Variants in CSMD1 observed in about 807,000 individuals in gnomAD.
CSMD1 encodes CUB and Sushi multiple domains 1, also known as CUB and sushi domain-containing protein 1.
A neutral mutation model predicts 417.5 loss-of-function variants in CSMD1; 213 were observed. The observed-to-expected ratio is 0.51, with a 90% CI of 0.46 to 0.57. The LOEUF (loss-of-function observed/expected upper bound fraction) is 0.57, where lower values mean the gene tolerates loss of function less well. CSMD1 is among the 20% of genes least tolerant of loss of function. CSMD1 has a pLI of 0.00. For synonymous variants in CSMD1, 2,862 were observed against 1,736.8 expected, an observed-to-expected ratio of 1.65 and a Z score of -16.11; for missense variants, 6,923 against 4,529.7, an observed-to-expected ratio of 1.53 and a Z score of -15.17.
intron 3 of CSMD1, among the ~76,000 whole-genome samples, chr8:4,243,705 C>T (rs949104031): frequency 1.3e-5 from 2 of 152,068 alleles, no homozygotes; most frequent in East Asian, 1.9e-4. Flanking sequence ...CTCATGGTAT[C>T]GTACATCCAT....
intron 7 of CSMD1, among the ~76,000 whole-genome samples, chr8:3,621,195 A>C (rs890376876): frequency 6.6e-6 from 1 of 152,194 alleles, no homozygotes; most frequent in Non-Finnish European, 1.5e-5. Context: ...TCTGTTGTTT[A>C]AGCCACTCGG....
chr8:3,145,925 G>A (rs1818816253), intron 40 of CSMD1, among the ~76,000 whole-genome samples: 1 of 152,170 alleles, frequency 6.6e-6, no homozygotes. Flanking sequence ...TTTGCCTTTG[G>A]CATTGACAAA....
chr8:4,420,627 T>A (rs1797195365), intron 2 of CSMD1, among the ~76,000 whole-genome samples: 1 of 151,984 alleles, frequency 6.6e-6, no homozygotes, highest in African/African-American at 2.4e-5. Flanking sequence ...AACCACTGAG[T>A]TGGTCGTGAA....
At chr8:4,962,565 A>C (rs765000650) in intron 1 of CSMD1, among the ~76,000 whole-genome samples, 1 of 152,128 alleles carries the variant, frequency 6.6e-6, no homozygotes, top group Non-Finnish European at 1.5e-5. Context: ...TTAGTTTACT[A>C]TAGGATTTTG....
chr8:4,038,199 T>G (rs1316377497), intron 3 of CSMD1, among the ~76,000 whole-genome samples: 3 of 152,138 alleles, frequency 2.0e-5, no homozygotes, highest in African/African-American at 7.2e-5. Flanking sequence ...TTCAACAAAT[T>G]TTCTTTTTAA....
intron 2 of CSMD1, among the ~76,000 whole-genome samples, chr8:4,627,519 A>T (rs1394068547): frequency 3.3e-5 from 5 of 152,206 alleles, no homozygotes; most frequent in Non-Finnish European, 7.3e-5. Flanking sequence ...ATTAAATAAA[A>T]TAACTATTTC....
rs573141806 is a variant in CSMD1, at chr8:4,801,873, C to T, written c.86-164315G>A. Among the ~76,000 whole-genome samples, 13 of 152,210 alleles carry T rather than the reference C, an allele frequency of 8.5e-5. No homozygotes were observed. In the East Asian group the frequency reaches 1.7e-3, roughly 20 times the overall value. The stretch of plus-strand genomic sequence containing the variant: ...TTCAGACTACTGAGACTTGGCAAGC[C>T]CAATGTATTTTAAGCATAGGTACTA... On this transcript the variant is annotated intron_variant, in intron 1 of 69. Coordinates refer to ENST00000635120, the MANE Select transcript of CSMD1 (RefSeq NM_033225.6).
At chr8:3,477,120 A>C (rs1432225128) in intron 11 of CSMD1, among the ~76,000 whole-genome samples, 5 of 152,200 alleles carry the variant, frequency 3.3e-5, no homozygotes, top group African/African-American at 1.2e-4. Context: ...ATATCACTTA[A>C]AAATAATTTG....
intron 6 of CSMD1, among the ~76,000 whole-genome samples, chr8:3,714,045 T>TAGATAGATAGATAGATAGAC (rs1801679601): frequency 6.6e-6 from 1 of 151,346 alleles, no homozygotes; most frequent in Non-Finnish European, 1.5e-5. Flanking sequence ...GATAGATAGA[T>TAGATAGATAGATAGATAGAC]AGATAGATAG....
chr8:4,659,651 G>A (rs993721642), intron 1 of CSMD1, among the ~76,000 whole-genome samples: 1 of 152,116 alleles, frequency 6.6e-6, no homozygotes, highest in Non-Finnish European at 1.5e-5. Context: ...AAGGCGACAG[G>A]GGAGTGACTG....
At chr8:3,682,743 GTA>G (rs1799729511) in intron 7 of CSMD1, among the ~76,000 whole-genome samples, 1 of 152,132 alleles carries the variant, frequency 6.6e-6, no homozygotes, top group Non-Finnish European at 1.5e-5. Flanking sequence ...ACATGCACAC[GTA>G]TGTTTATTGC....
At chr8:3,382,667 T>C (rs1433635340) in intron 18 of CSMD1, among the ~76,000 whole-genome samples, 1 of 149,638 alleles carries the variant, frequency 6.7e-6, no homozygotes, top group Non-Finnish European at 1.5e-5. Context: ...AAAATGTATC[T>C]GCATAGCTCA....
At chr8:4,031,456 T>C (rs940911163) in intron 4 of CSMD1, among the ~76,000 whole-genome samples, 3 of 152,102 alleles carry the variant, frequency 2.0e-5, no homozygotes, top group African/African-American at 7.2e-5. Flanking sequence ...TGTGCTATGA[T>C]GAGAACGGCA....
chr8:4,016,068 G>A (rs866205152), intron 4 of CSMD1, among the ~76,000 whole-genome samples: 9 of 152,060 alleles, frequency 5.9e-5, no homozygotes, highest in Admixed American at 2.6e-4. Flanking sequence ...TTCCATATCT[G>A]GAAAATCTAC....
intron 8 of CSMD1, among the ~76,000 whole-genome samples, chr8:3,596,788 TCACACA>T (rs1478790536): frequency 1.9e-5 from 2 of 103,778 alleles, no homozygotes; most frequent in East Asian, 7.9e-4. Context: ...ACACACACAC[TCACACA>T]CACATGCATA....
At chr8:4,384,025 T>A (rs1206839158) in intron 3 of CSMD1, among the ~76,000 whole-genome samples, 1 of 147,780 alleles carries the variant, frequency 6.8e-6, no homozygotes, top group Non-Finnish European at 1.5e-5. Flanking sequence ...ACCCCCCGCC[T>A]CATAACAGAT....
intron 50 of CSMD1, among the ~76,000 whole-genome samples, chr8:3,050,706 G>A (rs1222068348): frequency 1.3e-5 from 2 of 152,186 alleles, no homozygotes; most frequent in East Asian, 3.9e-4. Context: ...CTCAGGAAAT[G>A]CAATAAAAAT....
chr8:4,425,201 C>G (rs1007429882), intron 2 of CSMD1, among the ~76,000 whole-genome samples: 3 of 151,730 alleles, frequency 2.0e-5, no homozygotes, highest in African/African-American at 7.3e-5. Flanking sequence ...GGGGTGTGGT[C>G]AAATGATATT....
intron 26 of CSMD1, among the ~76,000 whole-genome samples, chr8:3,249,927 A>C (rs563119144): frequency 3.2e-4 from 49 of 152,366 alleles, no homozygotes; most frequent in African/African-American, 1.2e-3. Context: ...ACATGAAATA[A>C]ATGTCAAGGA....
Sources: allele counts gnomAD v4.1 joint callset (sites outside exome capture counted in the v4.1 genomes callset), GRCh38; gene constraint gnomAD v4.1.1; transcripts MANE v1.5; gene names NCBI Gene and HGNC (gene_info 2026-07-23, HGNC 2026-07-21).